The following KALRN variants were observed in gnomAD, a reference collection of about 807,000 sequenced individuals.
The protein encoded by KALRN is kalirin RhoGEF kinase.
Under a neutral mutation model 353.7 loss-of-function variants are expected in KALRN, and 70 were observed. The observed-to-expected ratio is 0.20, with a 90% CI of 0.16 to 0.24. The LOEUF is 0.24. KALRN is among the 10% of genes least tolerant of loss of function. KALRN has a pLI of 1.00. For missense variants in KALRN, 2,791 were observed against 3,756.7 expected (o/e 0.74, Z 6.72); for synonymous variants, 1,391 against 1,434.8 (o/e 0.97, Z 0.69).
intron 28 of KALRN, among the ~76,000 whole-genome samples, chr3:124,486,091 C>T (rs1039643842): frequency 3.0e-4 from 45 of 152,184 alleles, no homozygotes; most frequent in African/African-American, 6.7e-4. Flanking sequence ...AGAAACTTTA[C>T]GTCAGAGTGC....
chr3:124,373,307 A>T (rs2086125143), intron 10 of KALRN, among the ~76,000 whole-genome samples: 1 of 152,178 alleles, frequency 6.6e-6, no homozygotes, highest in South Asian at 2.1e-4. Context: ...CCACCTGGAC[A>T]TCTGACAGTA....
intron 18 of KALRN, among the ~76,000 whole-genome samples, chr3:124,440,834 G>C (rs1258031245): frequency 6.6e-6 from 1 of 151,842 alleles, no homozygotes. Flanking sequence ...CTGCTTTGTA[G>C]AGAAATACAG....
At chr3:124,382,959 C>T (rs2087626458) in intron 10 of KALRN, among the ~76,000 whole-genome samples, 1 of 152,178 alleles carries the variant, frequency 6.6e-6, no homozygotes, top group Admixed American at 6.5e-5. Context: ...CTGCTTTAAC[C>T]CAGTGGCAAA....
chr3:124,385,028 A>G lies in KALRN; in HGVS notation c.1954A>G (p.Thr652Ala). Residue 652 changes from threonine to alanine, a missense_variant, in exon 11 of 60, where the codon ACC (threonine) becomes GCC (alanine). Physicochemically the swap from Thr to Ala is moderately conservative, Grantham distance 58 (BLOSUM62 0). This residue lies in a region of KALRN where 452 missense variants were observed against 575.8 expected (regional missense o/e 0.78). Coordinates refer to ENST00000682506, the MANE Select transcript of KALRN (RefSeq NM_001388419.1). ...CATGTCTGTTTCCTTCCACACACAC[A>G]CCAAAGAGGTAAGGGGAGCTAGTGG... ...LDMSVSFHTH[T>A]KELWTWMEDL... 1 of 1,599,316 alleles carries G rather than the reference A, an allele frequency of 6.3e-7. No individual in the cohort carries two copies. Among genetic ancestry groups the G allele is most frequent in the Non-Finnish European group, 8.5e-7 (1 of 1,170,818 alleles).
intron 14 of KALRN, among the ~76,000 whole-genome samples, chr3:124,414,939 G>C (rs1316609817): frequency 1.3e-5 from 2 of 152,224 alleles, no homozygotes; most frequent in Non-Finnish European, 2.9e-5. Flanking sequence ...TTAAAGTACT[G>C]TGTTTCTTTC....
intron 19 of KALRN, among the ~76,000 whole-genome samples, chr3:124,442,328 T>C (rs1439124298): frequency 6.6e-6 from 1 of 152,206 alleles, no homozygotes; most frequent in Non-Finnish European, 1.5e-5. Context: ...TGGAATTTTC[T>C]GAAATAATGG....
At chr3:124,671,005 G>T (rs1042400830) in intron 47 of KALRN, among the ~76,000 whole-genome samples, 1 of 151,992 alleles carries the variant, frequency 6.6e-6, no homozygotes, top group African/African-American at 2.4e-5. Context: ...CACTGGTCCC[G>T]CTCTCCTAGA....
rs551892299 is a variant in KALRN at position 124,471,884 on chromosome 3, G to A, written c.4032-2779G>A. ...CGGGAGGCTGAGGCAGGAGAATGGC[G>A]TGAACCTGGGAGGCAGAGCTTGCAG... On this transcript the variant is annotated intron_variant, in intron 25 of 59. Coordinates refer to ENST00000682506, the MANE Select transcript of KALRN (RefSeq NM_001388419.1). Among the ~76,000 whole-genome samples, 7 of 149,284 alleles carry A rather than the reference G, an allele frequency of 4.7e-5. No individual in the cohort carries two copies. In the South Asian group the frequency reaches 8.8e-4, roughly 19 times the overall value.
At chr3:124,152,108 T>A (rs1209102221) in intron 1 of KALRN, 14 of 1,272,808 alleles carry the variant, frequency 1.1e-5, no homozygotes, top group Non-Finnish European at 1.5e-5. Flanking sequence ...TTTGAAGCGT[T>A]TTCCAACATT....
intron 1 of KALRN, among the ~76,000 whole-genome samples, chr3:124,141,169 C>T (rs1009494441): frequency 6.6e-5 from 10 of 152,184 alleles, no homozygotes. Context: ...TTCAGACTCT[C>T]TTCATCCCAT....
At chr3:124,361,417 A>G (rs962250665) in intron 10 of KALRN, among the ~76,000 whole-genome samples, 5 of 152,254 alleles carry the variant, frequency 3.3e-5, no homozygotes, top group Non-Finnish European at 7.3e-5. Context: ...TTATGTGTAT[A>G]TAGGTACATT....
intron 44 of KALRN, among the ~76,000 whole-genome samples, chr3:124,661,295 G>A (rs903711321): frequency 6.6e-6 from 1 of 152,214 alleles, no homozygotes; most frequent in Non-Finnish European, 1.5e-5. Context: ...AAAAGCCTCA[G>A]TATGCAATTT....
At chr3:124,198,430 G>A (rs938895740) in intron 1 of KALRN, among the ~76,000 whole-genome samples, 4 of 152,174 alleles carry the variant, frequency 2.6e-5, no homozygotes, top group Admixed American at 1.3e-4. Context: ...ACAGCTTGCC[G>A]CACAGTAAGT....
intron 33 of KALRN, among the ~76,000 whole-genome samples, chr3:124,514,139 G>A (rs2066270775): frequency 6.6e-6 from 1 of 152,122 alleles, no homozygotes; most frequent in Non-Finnish European, 1.5e-5. Context: ...TTTTAATTCT[G>A]ATGGCTGCAT....
At chr3:124,564,584 GC>G (rs1330854031) in intron 34 of KALRN, among the ~76,000 whole-genome samples, 1 of 152,132 alleles carries the variant, frequency 6.6e-6, no homozygotes, top group Non-Finnish European at 1.5e-5. Context: ...GGGGGCTGGG[GC>G]AGGAGGATCA....
chr3:124,581,495 G>A (rs992013753), intron 34 of KALRN, among the ~76,000 whole-genome samples: 3 of 152,078 alleles, frequency 2.0e-5, no homozygotes, highest in African/African-American at 7.2e-5. Flanking sequence ...AGTAAGAGTT[G>A]GGTCTTTCTC....
chr3:124,718,019 C>T (rs2063234313), intron 59 of KALRN, among the ~76,000 whole-genome samples: 1 of 151,234 alleles, frequency 6.6e-6, no homozygotes, highest in Admixed American at 6.6e-5. Context: ...ATCATGTTGG[C>T]CAGGCTGGTC....
chr3:124,341,925 G>T (rs2081767973), intron 9 of KALRN, among the ~76,000 whole-genome samples: 1 of 151,948 alleles, frequency 6.6e-6, no homozygotes, highest in Non-Finnish European at 1.5e-5. Context: ...GAGAGGAAAG[G>T]ATATGGAAAG....
At chr3:124,675,628 G>T (rs2087103739) in intron 49 of KALRN, among the ~76,000 whole-genome samples, 1 of 151,054 alleles carries the variant, frequency 6.6e-6, no homozygotes, top group South Asian at 2.1e-4. Context: ...TCTGACCCGG[G>T]CCTTCCCTCC....
Sources: gnomAD v4.1 joint callset for allele counts (sites outside exome capture counted in the v4.1 genomes callset) on GRCh38, gnomAD v4.1.1 for gene constraint, gnomAD v4.1.1 regional missense constraint, MANE v1.5 for transcripts, NCBI Gene and HGNC (gene_info 2026-07-23, HGNC 2026-07-21) for gene names.